Variants in GNB1 observed in about 807,000 individuals in gnomAD.
The protein encoded by GNB1 is guanine nucleotide-binding protein G(I)/G(S)/G(T) subunit beta-1.
In GNB1, 2 loss-of-function variants were observed where a neutral mutation model predicts 42.9. The observed-to-expected ratio is 0.05, with a 90% CI of 0.02 to 0.15. The LOEUF is 0.15. Ranked by LOEUF, GNB1 falls within the 10% of genes least tolerant of loss-of-function variation. The probability of loss-of-function intolerance (pLI) is 1.00; values close to 1 mark genes in which losing one functional copy is unlikely to be tolerated. For synonymous variants in GNB1, 183 were observed against 174.7 expected (o/e 1.05, Z -0.38); for missense variants, 193 against 462.2 (o/e 0.42, Z 5.34).
intron 3 of GNB1, among the ~76,000 whole-genome samples, chr1:1,821,791 A>G (rs1033378109): frequency 2.0e-5 from 3 of 152,208 alleles, no homozygotes; most frequent in African/African-American, 7.2e-5. Context: ...TCTCAATTAA[A>G]ATGTATTAAT....
chr1:1,864,850 G>A (rs187009524), intron 1 of GNB1, among the ~76,000 whole-genome samples: 49 of 152,138 alleles, frequency 3.2e-4, no homozygotes, highest in African/African-American at 2.2e-4. Context: ...TTCACAAAAC[G>A]TAAAGGTTTC....
chr1:1,859,528 C>T (rs1045477400), intron 1 of GNB1, among the ~76,000 whole-genome samples: 3 of 151,888 alleles, frequency 2.0e-5, no homozygotes, highest in Admixed American at 1.3e-4. Context: ...AACTATGTAT[C>T]GTGGCCTAAA....
At chr1:1,857,996 CT>C (rs1370595391) in intron 1 of GNB1, among the ~76,000 whole-genome samples, 1 of 152,194 alleles carries the variant, frequency 6.6e-6, no homozygotes, top group Admixed American at 6.5e-5. Flanking sequence ...GGTACAGGGG[CT>C]ACTGCAATTC....
chr1:1,796,114 T>C (rs1646543025), intron 7 of GNB1, among the ~76,000 whole-genome samples: 1 of 152,214 alleles, frequency 6.6e-6, no homozygotes, highest in Admixed American at 6.5e-5. Flanking sequence ...TTACATGAGA[T>C]GTTCAACTTT....
At chr1:1,888,731 G>C (rs1017654319) in intron 1 of GNB1, among the ~76,000 whole-genome samples, 1 of 152,092 alleles carries the variant, frequency 6.6e-6, no homozygotes, top group African/African-American at 2.4e-5. Context: ...CCAGCTACTC[G>C]GGAGGCTGAG....
chr1:1,879,136 G>A lies in GNB1; in HGVS notation c.-96+11684C>T, dbSNP rs1016780582. Among the ~76,000 whole-genome samples the A allele has an allele frequency of 5.3e-4, 81 of 152,138 alleles. 1 individual carries two copies. Among genetic ancestry groups the A allele is most frequent in the African/African-American group, 1.9e-3 (79 of 41,410 alleles). ...CACAATCCTACAGTACTGCACATGGGGGCAGGGACAGGGTGCCTGTCTCCA... is the reference window on the plus strand; with the variant it reads ...CACAATCCTACAGTACTGCACATGGAGGCAGGGACAGGGTGCCTGTCTCCA... On this transcript the variant is annotated intron_variant, in intron 1 of 11. Coordinates refer to ENST00000378609, the MANE Select transcript of GNB1 (RefSeq NM_002074.5).
intron 7 of GNB1, among the ~76,000 whole-genome samples, chr1:1,795,439 G>C (rs1646533470): frequency 6.6e-6 from 1 of 152,198 alleles, no homozygotes; most frequent in Non-Finnish European, 1.5e-5. Flanking sequence ...CAGGGGACCA[G>C]GCGGAGGCAC....
At chr1:1,814,303 C>G (rs1252761365) in intron 5 of GNB1, among the ~76,000 whole-genome samples, 3 of 152,172 alleles carry the variant, frequency 2.0e-5, no homozygotes, top group Non-Finnish European at 4.4e-5. Context: ...CAAAGAAATA[C>G]TACTCAAAGA....
Position 1,871,439 on chromosome 1 carries a change from AAC to A in GNB1, c.-96+19379_-96+19380del, listed in dbSNP as rs565507429. On this transcript the variant is annotated intron_variant, in intron 1 of 11. Coordinates refer to ENST00000378609, the MANE Select transcript of GNB1 (RefSeq NM_002074.5). ...CGCGCTACTGCACTCCAGCCACGGC[AAC>A]AGAGTGAGACTTAAGGGAACCCTTT... is the stretch of plus-strand genomic sequence containing the variant. Among the ~76,000 whole-genome samples the A allele has an allele frequency of 5.4e-3, 829 of 152,212 alleles. 4 individuals are homozygous for A. The highest frequency in any genetic ancestry group is 8.5e-3 in the Non-Finnish European group (577 of 67,996).
chr1:1,883,653 C>G (rs947572500), intron 1 of GNB1, among the ~76,000 whole-genome samples: 3 of 152,188 alleles, frequency 2.0e-5, no homozygotes, highest in African/African-American at 7.2e-5. Flanking sequence ...AGGACAGACA[C>G]AGAAGTCCTA....
intron 3 of GNB1, among the ~76,000 whole-genome samples, chr1:1,818,804 A>G (rs1646891929): frequency 1.3e-5 from 2 of 152,204 alleles, no homozygotes; most frequent in Admixed American, 6.5e-5. Context: ...CGGAGGTTGC[A>G]GGGAGCCGAG....
At chr1:1,837,357 C>A (rs1647166083) in intron 2 of GNB1, among the ~76,000 whole-genome samples, 1 of 151,086 alleles carries the variant, frequency 6.6e-6, no homozygotes, top group South Asian at 2.1e-4. Context: ...TGGGTTCATG[C>A]CATTCTCCTG....
intron 1 of GNB1, among the ~76,000 whole-genome samples, chr1:1,871,192 C>G (rs1014480801): frequency 6.6e-6 from 1 of 152,160 alleles, no homozygotes; most frequent in African/African-American, 2.4e-5. Flanking sequence ...TGGCTCACAC[C>G]TGTAACCCCA....
At chr1:1,862,034 G>A (rs529128688) in intron 1 of GNB1, among the ~76,000 whole-genome samples, 5 of 151,732 alleles carry the variant, frequency 3.3e-5, no homozygotes, top group African/African-American at 4.8e-5. Flanking sequence ...ACCACTGCAC[G>A]CCAGCCTGGG....
intron 1 of GNB1, among the ~76,000 whole-genome samples, chr1:1,860,373 A>G (rs760198577): frequency 2.6e-5 from 4 of 152,196 alleles, no homozygotes; most frequent in Non-Finnish European, 5.9e-5. Context: ...CCCAAACTTG[A>G]GCATCATGCA....
rs1351497346 is a variant in GNB1, at chr1:1,825,328, TC to T, written c.57+68del. 25 of 1,085,388 alleles carry T rather than the reference TC, an allele frequency of 2.3e-5. No homozygotes were observed. The African/African-American group carries it at 3.5e-4, about 15-fold the overall frequency. 67.2% of individuals were successfully genotyped at this position (1,085,388 alleles called of 1,614,324 possible). ...AACAAGTCATCCTGTAAACCATTTT[TC>T]CTAAAACAAGTAACATCTAACCTGA... On this transcript the variant is annotated intron_variant, in intron 3 of 11. Coordinates refer to ENST00000378609, the MANE Select transcript of GNB1 (RefSeq NM_002074.5).
Position 1,796,516 on chromosome 1 carries a change from A to G in GNB1, c.431-3205T>C, listed in dbSNP as rs569083858. On this transcript the variant is annotated intron_variant, in intron 7 of 11. Coordinates refer to ENST00000378609, the MANE Select transcript of GNB1 (RefSeq NM_002074.5). ...GGGAGGAGCAGAGCTGTCTGTGCAC[A>G]TAAGAAGTTCTCAGTAAATGGAGAC... Among the ~76,000 whole-genome samples, 6 of 152,372 alleles carry G rather than the reference A, an allele frequency of 3.9e-5. No homozygotes were observed. In the East Asian group the frequency reaches 7.7e-4, roughly 20 times the overall value.
At chr1:1,841,778 G>GA (rs1324640608) in intron 1 of GNB1, among the ~76,000 whole-genome samples, 1 of 152,172 alleles carries the variant, frequency 6.6e-6, no homozygotes, top group East Asian at 1.9e-4. Context: ...AGTGTGGAAG[G>GA]AAAACAGTTT....
At chr1:1,805,712 T>C (rs1646687569) in intron 6 of GNB1, among the ~76,000 whole-genome samples, 1 of 152,102 alleles carries the variant, frequency 6.6e-6, no homozygotes, top group South Asian at 2.1e-4. Context: ...GGCTAATTTT[T>C]TGTATTTTTA....
Sources: allele counts gnomAD v4.1 joint callset (sites outside exome capture counted in the v4.1 genomes callset), GRCh38; gene constraint gnomAD v4.1.1; transcripts MANE v1.5; gene names NCBI Gene and HGNC (gene_info 2026-07-23, HGNC 2026-07-21).